The following DMBT1 variants were observed in gnomAD, a reference collection of about 807,000 sequenced individuals.
DMBT1 encodes the protein deleted in malignant brain tumors 1.
In DMBT1, 198 loss-of-function variants were observed where a neutral mutation model predicts 252.9. That is an observed-to-expected ratio of 0.78 (90% confidence interval 0.70 to 0.88). The LOEUF is 0.88. Among genes scored for constraint, DMBT1 ranks in the 40% least tolerant of loss-of-function variants. The probability of loss-of-function intolerance (pLI) is 0.00; values close to 1 mark genes in which losing one functional copy is unlikely to be tolerated. For missense variants in DMBT1, 2,432 were observed against 2,404.7 expected (o/e 1.01, Z -0.24); for synonymous variants, 990 against 942.7 (o/e 1.05, Z -0.92).
In DMBT1 at chr10:122,600,108, T is replaced by C. The variant is rs780499241; in HGVS notation, c.3310+15T>C. 6.2e-7 allele frequency: 1 copy of C among 1,605,144 alleles called. No homozygotes were observed. The highest frequency in any genetic ancestry group is 8.5e-7 in the Non-Finnish European group (1 of 1,177,420). Reference sequence around the variant, plus strand: ...ACCTAGTCCAGGTGGGTCCCCAGTGTCCTTCCTCAAAATGTCCCTTCTCTT... The same window carrying C: ...ACCTAGTCCAGGTGGGTCCCCAGTGCCCTTCCTCAAAATGTCCCTTCTCTT... On this transcript the variant is annotated intron_variant, in intron 27 of 55. Transcript: ENST00000338354.
rs1005940271 is a variant in DMBT1 at position 122,573,755 on chromosome 10, A to T, written c.276A>T (p.Val92=). Residue 92 remains valine, a synonymous_variant, in exon 6 of 56, where the codon GTA becomes GTT. Coordinates refer to ENST00000338354, the MANE Select transcript of DMBT1 (RefSeq NM_001377530.1). ...CAGAGTCAACCCTGGAGTCAACTGT[A>T]GCAGAAGGTAACGTCTACTATGGGG... ...IPSESTLEST[V]AEGSDSGLAL... is the part of the protein sequence containing the mutation. The T allele has an allele frequency of 2.5e-6, 4 of 1,613,732 alleles. No individual in the cohort carries two copies. The highest frequency in any genetic ancestry group is 3.4e-6 in the Non-Finnish European group (4 of 1,179,800).
chr10:122,600,124 C>G lies in DMBT1; in HGVS notation c.3310+31C>G, dbSNP rs148282658. 1.9e-3 allele frequency: 2,974 copies of G among 1,602,738 alleles called. 224 individuals are homozygous for G. The African/African-American group carries it at 0.037, about 20-fold the overall frequency. ...TCCCCAGTGTCCTTCCTCAAAATGTCCCTTCTCTTTCTGCCCAATCACCCC... is the reference window on the plus strand; with the variant it reads ...TCCCCAGTGTCCTTCCTCAAAATGTGCCTTCTCTTTCTGCCCAATCACCCC... On this transcript the variant is annotated intron_variant, in intron 27 of 55. Coordinates refer to ENST00000338354, the MANE Select transcript of DMBT1 (RefSeq NM_001377530.1).
chr10:122,620,901 C>G (rs1336560525), intron 43 of DMBT1, among the ~76,000 whole-genome samples, 156 bp from the exon 44 acceptor site: 1 of 152,240 alleles, frequency 6.6e-6, no homozygotes, highest in Admixed American at 6.5e-5. Flanking sequence ...GCTTCTTCCA[C>G]TATCATGAAG....
At position 122,589,058 on chromosome 10, in the gene DMBT1, C is replaced by T; in HGVS notation, c.1898C>T (p.Thr633Ile). The change falls in exon 17 of 56, where the codon ACC becomes ATC. Residue 633 changes from threonine to isoleucine, a missense_variant. Coordinates refer to ENST00000338354, the MANE Select transcript of DMBT1 (RefSeq NM_001377530.1). ...WGTVCDDSWD[T>I]NDANVVCRQL... ...ACCGTGTGTGATGACAGCTGGGACA[C>T]CAATGATGCCAATGTGGTCTGCAGG... 6.3e-7 allele frequency: 1 copy of T among 1,588,864 alleles called. No homozygotes were observed. The highest frequency in any genetic ancestry group is 8.6e-7 in the Non-Finnish European group (1 of 1,165,980).
At chr10:122,599,703 T>C (rs1235150287) in intron 26 of DMBT1, among the ~76,000 whole-genome samples, 1 of 152,212 alleles carries the variant, frequency 6.6e-6, no homozygotes, top group Non-Finnish European at 1.5e-5. Context: ...AGGCATGGCC[T>C]TGTCATTGCC....
intron 44 of DMBT1, among the ~76,000 whole-genome samples, chr10:122,624,025 A>C (rs2098095483): frequency 1.3e-5 from 2 of 152,180 alleles, no homozygotes; most frequent in African/African-American, 2.4e-5. Context: ...TGGGTTTGAA[A>C]GTGACTCAGG....
chr10:122,562,008 C>T (rs1235696647), intron 1 of DMBT1, among the ~76,000 whole-genome samples: 1 of 151,264 alleles, frequency 6.6e-6, no homozygotes, highest in Non-Finnish European at 1.5e-5. Context: ...TATCACCTTC[C>T]CTCCCCCTCT....
intron 6 of DMBT1, 110 bp downstream of exon 6, chr10:122,573,872 C>T (rs1158775460): frequency 3.7e-6 from 5 of 1,366,520 alleles, no homozygotes; most frequent in Non-Finnish European, 5.2e-6. Context: ...GTGCTTAGCT[C>T]CCACGAGGGG....
intron 10 of DMBT1, among the ~76,000 whole-genome samples, 196 bp from the exon 11 acceptor site, chr10:122,580,670 C>T (rs2097760683): frequency 6.6e-6 from 1 of 151,834 alleles, no homozygotes; most frequent in Admixed American, 6.5e-5. Flanking sequence ...TCAGAGCTGG[C>T]AATAGTGGAC....
At position 122,592,283 on chromosome 10, in the gene DMBT1, A is replaced by G; in HGVS notation, c.2188A>G (p.Ser730Gly). ...LPPSTVGSES[S>G]LTLRLVNGSD... ...GTGTTCCCCTGTAGGATCTGAATCC[A>G]GTTTGACCCTGAGGCTGGTGAATGG... The change falls in exon 20 of 56, where the codon AGT becomes GGT. Residue 730 changes from serine (S) to glycine (G), a missense_variant. Transcript: ENST00000338354. 6.3e-7 allele frequency: 1 copy of G among 1,587,162 alleles called. No homozygotes were observed. The highest frequency in any genetic ancestry group is 8.6e-7 in the Non-Finnish European group (1 of 1,165,584).
chr10:122,581,615 AC>A (rs1356393561), intron 11 of DMBT1, among the ~76,000 whole-genome samples, 177 bp from the exon 12 acceptor site: 1 of 146,244 alleles, frequency 6.8e-6, no homozygotes, highest in African/African-American at 2.6e-5. Flanking sequence ...CTCCAGCAGG[AC>A]CTTTGTCCCT....
intron 54 of DMBT1, among the ~76,000 whole-genome samples, chr10:122,638,311 T>C (rs9424281): frequency 0.018 from 2,502 of 141,624 alleles, 22 homozygotes; most frequent in Non-Finnish European, 0.025. Flanking sequence ...CCATTCACAC[T>C]CGTTCACACC....
At chr10:122,586,848 C>T (rs1457967500) in intron 16 of DMBT1, among the ~76,000 whole-genome samples, 4 of 148,058 alleles carry the variant, frequency 2.7e-5, no homozygotes, top group Non-Finnish European at 4.5e-5. Flanking sequence ...GGGCAGAGGT[C>T]ACATGGCGAG....
intron 51 of DMBT1, 83 bp downstream of exon 51, chr10:122,632,973 G>A: frequency 6.3e-7 from 1 of 1,587,450 alleles, no homozygotes; most frequent in Admixed American, 1.8e-5. Context: ...AATGGGGCTG[G>A]GGAGGAGATG....
chr10:122,561,799 A>T (rs781259886), intron 1 of DMBT1, among the ~76,000 whole-genome samples: 4 of 143,140 alleles, frequency 2.8e-5, no homozygotes, highest in African/African-American at 1.0e-4. Context: ...TGTCTTTCTC[A>T]TCTATCAGGC....
At chr10:122,618,958 G>C (rs1029470066) in intron 41 of DMBT1, among the ~76,000 whole-genome samples, 1 of 152,230 alleles carries the variant, frequency 6.6e-6, no homozygotes, top group African/African-American at 2.4e-5. Context: ...TATTGCCTGT[G>C]GTCGGGGCTG....
chr10:122,591,591 G>C, intron 19 of DMBT1, 74 bp downstream of exon 19: 1 of 1,463,588 alleles, frequency 6.8e-7, no homozygotes, highest in Non-Finnish European at 9.4e-7. Flanking sequence ...AAAATGATAG[G>C]ATGAGGGTCA....
At chr10:122,643,029 G>A in intron 55 of DMBT1, 93 bp from the exon 56 acceptor site, 1 of 1,526,570 alleles carries the variant, frequency 6.6e-7, no homozygotes, top group East Asian at 2.3e-5. Flanking sequence ...GGGGCAGTGA[G>A]GACAGGCTGT....
intron 5 of DMBT1, 76 bp downstream of exon 5, chr10:122,572,437 G>A (rs757134831): frequency 2.5e-5 from 39 of 1,577,390 alleles, no homozygotes; most frequent in Non-Finnish European, 3.1e-5. Context: ...ACCCAGATGA[G>A]GTGTAGAGGA....
Sources: gnomAD v4.1 joint callset for allele counts (sites outside exome capture counted in the v4.1 genomes callset) on GRCh38, gnomAD v4.1.1 for gene constraint, MANE v1.5 for transcripts, NCBI Gene and HGNC (gene_info 2026-07-23, HGNC 2026-07-21) for gene names.